Variants in CTNNA3 observed in about 807,000 individuals in gnomAD.
CTNNA3 encodes the protein catenin alpha 3.
A neutral mutation model predicts 95.7 loss-of-function variants in CTNNA3; 76 were observed. The ratio of observed to expected loss-of-function variants is 0.79; its 90% CI spans 0.66 to 0.96. The LOEUF (loss-of-function observed/expected upper bound fraction) is 0.96, where lower values mean the gene tolerates loss of function less well. CTNNA3 is among the 40% of genes least tolerant of loss of function. The probability of loss-of-function intolerance (pLI) is 0.00; values close to 1 mark genes in which losing one functional copy is unlikely to be tolerated. For missense variants in CTNNA3, 1,191 were observed against 1,089.8 expected (o/e 1.09, Z -1.31); for synonymous variants, 431 against 374.4 (o/e 1.15, Z -1.74).
In CTNNA3 at chr10:66,393,214, G is replaced by A. The variant is rs75956632; in HGVS notation, c.1532-13862C>T. 8.4e-4 allele frequency among the ~76,000 whole-genome samples: 128 copies of A among 152,180 alleles called. 4 individuals carry two copies. The East Asian group carries it at 0.023, about 28-fold the overall frequency. On this transcript the variant is annotated intron_variant, in intron 11 of 17. Coordinates refer to ENST00000433211, the MANE Select transcript of CTNNA3 (RefSeq NM_013266.4). ...AGCTACGGGAACAATAAAATTCCTA[G>A]GGAGGGTAAAATGTATAGGTAGAGC...
chr10:66,496,360 TC>T (rs1240897571), intron 11 of CTNNA3, among the ~76,000 whole-genome samples: 2 of 152,182 alleles, frequency 1.3e-5, no homozygotes, highest in Non-Finnish European at 2.9e-5. Flanking sequence ...AAACGATATA[TC>T]TACATAAAGT....
chr10:65,998,390 T>A (rs1490359767), intron 15 of CTNNA3, among the ~76,000 whole-genome samples: 1 of 152,066 alleles, frequency 6.6e-6, no homozygotes, highest in African/African-American at 2.4e-5. Flanking sequence ...TGAAAAAAAA[T>A]AAACGAATGA....
chr10:66,723,040 C>T (rs1443871223), intron 9 of CTNNA3, among the ~76,000 whole-genome samples: 1 of 152,064 alleles, frequency 6.6e-6, no homozygotes, highest in African/African-American at 2.4e-5. Flanking sequence ...TCTGCTCTAT[C>T]ATTCTAGCTT....
At chr10:67,438,777 A>G (rs891751154) in intron 5 of CTNNA3, among the ~76,000 whole-genome samples, 7 of 152,150 alleles carry the variant, frequency 4.6e-5, no homozygotes, top group African/African-American at 1.7e-4. Context: ...TGCTGCCTTG[A>G]AGGAAGATTG....
chr10:66,774,944 T>C (rs1323914523), intron 8 of CTNNA3, among the ~76,000 whole-genome samples: 2 of 152,106 alleles, frequency 1.3e-5, no homozygotes, highest in African/African-American at 2.4e-5. Context: ...TGAAGTATCA[T>C]GAAAAAAAAT....
rs185204187 is a variant in CTNNA3 at position 66,330,733 on chromosome 10, T to C, written c.1732+48419A>G. The stretch of plus-strand genomic sequence containing the variant: ...TCCTCCACATCCTCTCCAGCACCTG[T>C]AGTTTCCTGACTTTTTAATGATCAC... On this transcript the variant is annotated intron_variant, in intron 12 of 17. Coordinates refer to ENST00000433211, the MANE Select transcript of CTNNA3 (RefSeq NM_013266.4). Among the ~76,000 whole-genome samples the C allele has an allele frequency of 3.4e-3, 521 of 152,236 alleles. 2 individuals carry two copies. Among genetic ancestry groups the C allele is most frequent in the African/African-American group, 9.7e-3 (405 of 41,566 alleles).
chr10:66,188,256 T>C (rs2086441966), intron 13 of CTNNA3, among the ~76,000 whole-genome samples: 1 of 152,120 alleles, frequency 6.6e-6, no homozygotes, highest in Non-Finnish European at 1.5e-5. Context: ...TACCATCAAG[T>C]GTACTAGCAT....
At chr10:67,446,935 C>G (rs1433063834) in intron 5 of CTNNA3, among the ~76,000 whole-genome samples, 2 of 152,164 alleles carry the variant, frequency 1.3e-5, no homozygotes, top group East Asian at 1.9e-4. Context: ...GAAACCCCGT[C>G]TCTCCTAAAA....
chr10:66,089,129 C>T (rs1488584385), intron 14 of CTNNA3, among the ~76,000 whole-genome samples: 1 of 151,762 alleles, frequency 6.6e-6, no homozygotes, highest in African/African-American at 2.4e-5. Context: ...TCTTTGGTAT[C>T]ACATTTGGAA....
intron 5 of CTNNA3, among the ~76,000 whole-genome samples, chr10:67,226,529 C>G (rs1490510087): frequency 2.6e-5 from 4 of 152,180 alleles, no homozygotes; most frequent in African/African-American, 9.7e-5. Context: ...AGATTTCTCA[C>G]CAGAAACCCT....
chr10:66,295,124 T>A (rs2091756256), intron 12 of CTNNA3, among the ~76,000 whole-genome samples: 1 of 152,212 alleles, frequency 6.6e-6, no homozygotes, highest in African/African-American at 2.4e-5. Context: ...AATACCTGTA[T>A]TGTATGTGAA....
chr10:67,378,109 C>A (rs553630604), intron 5 of CTNNA3, among the ~76,000 whole-genome samples: 2 of 152,252 alleles, frequency 1.3e-5, no homozygotes, highest in Admixed American at 1.3e-4. Context: ...CCTTCTCAGA[C>A]CCTAGTGTCC....
chr10:67,303,781 G>C (rs1271343939), intron 5 of CTNNA3, among the ~76,000 whole-genome samples: 1 of 151,974 alleles, frequency 6.6e-6, no homozygotes, highest in African/African-American at 2.4e-5. Flanking sequence ...CCCCTATTTA[G>C]ATATTTAAGT....
At chr10:67,385,792 G>C (rs980928617) in intron 5 of CTNNA3, among the ~76,000 whole-genome samples, 3 of 151,226 alleles carry the variant, frequency 2.0e-5, no homozygotes, top group Non-Finnish European at 4.4e-5. Flanking sequence ...TTGGCAGCCA[G>C]TGTGGTCCCA....
intron 3 of CTNNA3, among the ~76,000 whole-genome samples, chr10:67,563,171 C>T (rs1420299762): frequency 7.9e-5 from 12 of 152,104 alleles, no homozygotes; most frequent in East Asian, 1.9e-4. Flanking sequence ...AAAAAGAGCC[C>T]GCATCGCCAA....
At chr10:66,386,245 AG>A (rs2132513189) in intron 11 of CTNNA3, among the ~76,000 whole-genome samples, 1 of 152,334 alleles carries the variant, frequency 6.6e-6, no homozygotes, top group South Asian at 2.1e-4. Context: ...ACTTCAGCAA[AG>A]TCTCAGGATA....
chr10:67,699,112 T>C (rs1456731007), upstream of CTNNA3, among the ~76,000 whole-genome samples: 2 of 152,194 alleles, frequency 1.3e-5, no homozygotes, highest in African/African-American at 2.4e-5. Flanking sequence ...TTTCAAGGAC[T>C]CTGCTCCTTC....
intron 16 of CTNNA3, 39 bp from the exon 17 acceptor site, chr10:65,966,785 T>A: frequency 6.6e-7 from 1 of 1,514,494 alleles, no homozygotes; most frequent in Non-Finnish European, 9.1e-7. Context: ...TACAGCAGAA[T>A]AAATAATAGT....
At chr10:66,947,111 A>G (rs1244743671) in intron 7 of CTNNA3, among the ~76,000 whole-genome samples, 1 of 152,066 alleles carries the variant, frequency 6.6e-6, no homozygotes, top group African/African-American at 2.4e-5. Context: ...TCAACTTAGA[A>G]AGCCAGCCCT....
Sources: allele counts gnomAD v4.1 joint callset (sites outside exome capture counted in the v4.1 genomes callset), GRCh38; gene constraint gnomAD v4.1.1; transcripts MANE v1.5; gene names NCBI Gene and HGNC (gene_info 2026-07-23, HGNC 2026-07-21).